IFT80: variants seen among roughly 807,000 people sequenced by gnomAD.
IFT80 encodes the protein intraflagellar transport protein 80 homolog.
Under a neutral mutation model 107.9 loss-of-function variants are expected in IFT80, and 79 were observed. That is an observed-to-expected ratio of 0.73 (90% CI 0.61 to 0.88). The LOEUF (loss-of-function observed/expected upper bound fraction) is 0.88. IFT80 is among the 40% of genes least tolerant of loss of function. The pLI, the probability that IFT80 is intolerant of heterozygous loss-of-function variation, is 0.00. For missense variants in IFT80, 797 were observed against 914.2 expected, an observed-to-expected ratio of 0.87 and a Z score of 1.65; for synonymous variants, 299 against 300.9, an observed-to-expected ratio of 0.99 and a Z score of 0.07.
intron 9 of IFT80, among the ~76,000 whole-genome samples, chr3:160,313,608 ATTTT>A (rs201247167): frequency 7.2e-6 from 1 of 139,732 alleles, no homozygotes. Flanking sequence ...TCTGTGCTGA[ATTTT>A]TTTTTTTTTT....
At chr3:160,335,387 A>G (rs1397539732) in intron 8 of IFT80, among the ~76,000 whole-genome samples, 1 of 151,764 alleles carries the variant, frequency 6.6e-6, no homozygotes, top group Non-Finnish European at 1.5e-5. Context: ...ACACCTGGCT[A>G]ATTTTTGTAT....
At chr3:160,307,926 C>A in intron 9 of IFT80, 145 bp from the exon 10 acceptor site, 1 of 628,332 alleles carries the variant, frequency 1.6e-6, no homozygotes, top group South Asian at 1.9e-5. Context: ...AGAAACTAGG[C>A]ATAAGATAGT....
At chr3:160,340,774 G>C (rs6803828) in intron 8 of IFT80, among the ~76,000 whole-genome samples, 79,783 of 152,002 alleles carry the variant, frequency 0.52, 21,389 homozygotes, top group African/African-American at 0.56. Flanking sequence ...GATAGTTTTA[G>C]CATCTGAAGG....
chr3:160,333,909 T>C (rs1719270949), intron 8 of IFT80, among the ~76,000 whole-genome samples: 1 of 152,190 alleles, frequency 6.6e-6, no homozygotes, highest in Non-Finnish European at 1.5e-5. Context: ...ACTGTACTTT[T>C]ATATGGCTGA....
At position 160,319,784 on chromosome 3, in the gene IFT80, T is replaced by C. The variant is rs138798955; in HGVS notation, c.933A>G (p.Thr311=). ...CCTGCATGGCTCTTCTTTTCGTTAA[T>C]GTTACTTGAAAATTTTTCCACTCCC... is the stretch of plus-strand genomic sequence containing the variant. ...QHWEWKNFQV[T]LTKRRAMQVR... Residue 311 remains threonine, a synonymous_variant, in exon 9 of 20, where the codon ACA becomes ACG. Transcript: ENST00000326448. 2.7e-4 allele frequency: 430 copies of C among 1,613,020 alleles called. 4 individuals are homozygous for C. The East Asian group carries it at 5.4e-3, about 20-fold the overall frequency.
At chr3:160,317,074 G>A (rs1200178089) in intron 9 of IFT80, among the ~76,000 whole-genome samples, 3 of 151,828 alleles carry the variant, frequency 2.0e-5, no homozygotes, top group African/African-American at 7.3e-5. Context: ...ACATTTTCAA[G>A]ATAATAATCT....
intron 9 of IFT80, among the ~76,000 whole-genome samples, chr3:160,311,870 C>T (rs1717285723): frequency 6.6e-6 from 1 of 152,144 alleles, no homozygotes; most frequent in African/African-American, 2.4e-5. Flanking sequence ...CTCCGCCTCC[C>T]AGGTTCAAGC....
intron 19 of IFT80, among the ~76,000 whole-genome samples, chr3:160,265,531 T>C (rs936960317): frequency 1.3e-5 from 2 of 152,214 alleles, no homozygotes; most frequent in East Asian, 3.8e-4. Context: ...TGGATTTTAT[T>C]TGCTAGATTT....
At position 160,319,871 on chromosome 3, in the gene IFT80, A is replaced by G. The variant is rs141134950; in HGVS notation, c.846T>C (p.Thr282=). Residue 282 remains threonine (T), a synonymous_variant, in exon 9 of 20, where the codon ACT becomes ACC. Transcript: ENST00000326448. ...IFNIAWSIDG[T]QIAGACGNGH... is the part of the protein sequence containing the mutation. ...CATTTCCACAGGCTCCAGCAATCTG[A>G]GTGCCATCGATAGACCATGCAATAT... 5.0e-5 allele frequency: 80 copies of G among 1,612,694 alleles called. No homozygotes were observed. The African/African-American group carries it at 1.0e-3, about 21-fold the overall frequency.
chr3:160,286,052 C>CT (rs1204767271), intron 12 of IFT80, among the ~76,000 whole-genome samples, 184 bp from the exon 13 acceptor site: 2 of 152,128 alleles, frequency 1.3e-5, no homozygotes, highest in East Asian at 3.9e-4. Flanking sequence ...AAACTGAATA[C>CT]TTCTTCCTAA....
chr3:160,320,262 C>T (rs1718111026), intron 8 of IFT80: 1 of 208,018 alleles, frequency 4.8e-6, no homozygotes, highest in Non-Finnish European at 9.6e-6. Context: ...AAAACAAAGA[C>T]ATCTTACTAT....
At chr3:160,367,853 A>G (rs1175954957) in intron 5 of IFT80, among the ~76,000 whole-genome samples, 1 of 152,018 alleles carries the variant, frequency 6.6e-6, no homozygotes. Context: ...AATGACTATC[A>G]TATTTATTGA....
chr3:160,392,649 C>T (rs192097629), intron 1 of IFT80, among the ~76,000 whole-genome samples: 3 of 152,208 alleles, frequency 2.0e-5, no homozygotes, highest in East Asian at 1.9e-4. Flanking sequence ...AATATTTCAC[C>T]GCCTCCACTA....
In IFT80 at chr3:160,299,270, A is replaced by G. The variant is rs1716225811; in HGVS notation, c.1315+1613T>C. On this transcript the variant is annotated intron_variant, in intron 12 of 19. Transcript: ENST00000326448. ...AATTACCAAAAGTCTTCTCTCAGAG[A>G]AGGCCTAAATGAAGAGATAGAAAAG... 3.4e-6 allele frequency: 4 copies of G among 1,166,444 alleles called. No individual in the cohort carries two copies. The South Asian group carries it at 5.2e-5, about 15-fold the overall frequency. The allele number at this position is 1,166,444 out of a possible 1,614,324, so 72.3% of individuals were successfully genotyped here.
At chr3:160,335,470 C>T (rs536169431) in intron 8 of IFT80, among the ~76,000 whole-genome samples, 80 of 152,194 alleles carry the variant, frequency 5.3e-4, no homozygotes, top group Non-Finnish European at 9.3e-4. Flanking sequence ...GATCCACTCG[C>T]CTCGGCCTCC....
chr3:160,398,286 T>C (rs1469498214), intron 1 of IFT80, among the ~76,000 whole-genome samples: 1 of 152,176 alleles, frequency 6.6e-6, no homozygotes, highest in Non-Finnish European at 1.5e-5. Context: ...TGAACCTGAC[T>C]TCATGCTCTT....
chr3:160,265,535 T>C (rs1054463259), intron 19 of IFT80, among the ~76,000 whole-genome samples: 3 of 152,228 alleles, frequency 2.0e-5, no homozygotes, highest in Non-Finnish European at 2.9e-5. Flanking sequence ...TTTTATTTGC[T>C]AGATTTAAAA....
At chr3:160,275,867 T>C (rs1714223988) in intron 18 of IFT80, among the ~76,000 whole-genome samples, 1 of 152,214 alleles carries the variant, frequency 6.6e-6, no homozygotes, top group South Asian at 2.1e-4. Flanking sequence ...CCTTAAACTT[T>C]ATGAATTATG....
At chr3:160,328,968 G>T (rs1335261855) in intron 8 of IFT80, among the ~76,000 whole-genome samples, 2 of 151,984 alleles carry the variant, frequency 1.3e-5, no homozygotes, top group African/African-American at 4.8e-5. Context: ...ACACATGGGG[G>T]GACAATGCAC....
Sources: gnomAD v4.1 joint callset for allele counts (sites outside exome capture counted in the v4.1 genomes callset) on GRCh38, gnomAD v4.1.1 for gene constraint, MANE v1.5 for transcripts, NCBI Gene and HGNC (gene_info 2026-07-23, HGNC 2026-07-21) for gene names.